Variants in GPR132 observed in about 807,000 individuals in gnomAD.
GPR132 encodes probable G protein-coupled receptor 132.
A neutral mutation model predicts 1.9 loss-of-function variants in GPR132; 4 were observed. The observed-to-expected ratio is 2.13, with a 90% CI of 1.05 to 4.87. GPR132 has a LOEUF of 4.87. Ranked by LOEUF, GPR132 falls within the 30% of genes most tolerant of loss-of-function variation. The probability of loss-of-function intolerance (pLI) is 0.01; values close to 1 mark genes in which losing one functional copy is unlikely to be tolerated. For missense variants in GPR132, 404 were observed against 512.5 expected (o/e 0.79, Z 2.04); for synonymous variants, 233 against 234.2 (o/e 0.99, Z 0.05).
chr14:105,062,839 T>A (rs1273214147), intron 1 of GPR132, among the ~76,000 whole-genome samples: 1 of 151,654 alleles, frequency 6.6e-6, no homozygotes, highest in Non-Finnish European at 1.5e-5. Flanking sequence ...TACGCCCAGC[T>A]TTTTTTTCTT....
Position 105,051,582 on chromosome 14 carries a change from G to T in GPR132, c.555C>A (p.Thr185=). The part of the protein sequence containing the change: ...YPVFQTEDKE[T]CFDMLQMDSR... ...TGTCCATCTGCAGCATGTCAAAGCA[G>T]GTCTCCTTGTCTTCCGTCTGGAACA... Residue 185 remains threonine (T), a synonymous_variant, in exon 4 of 4, where the codon ACC becomes ACA. Transcript: ENST00000329797. The surrounding 1 kb of genome is among the most constrained non-coding windows in gnomAD (Gnocchi z 8.0). 6.2e-7 allele frequency: 1 copy of T among 1,614,022 alleles called. No homozygotes were observed. Among genetic ancestry groups the T allele is most frequent in the Non-Finnish European group, 8.5e-7 (1 of 1,180,040 alleles).
At position 105,051,213 on chromosome 14, in the gene GPR132, G is replaced by A. The variant is rs140799328; in HGVS notation, c.924C>T (p.Tyr308=). The change falls in exon 4 of 4, where the codon TAC becomes TAT. Residue 308 remains tyrosine (Y), a synonymous_variant. Coordinates refer to ENST00000329797, the MANE Select transcript of GPR132 (RefSeq NM_013345.4). The surrounding 1 kb of genome is among the most constrained non-coding windows in gnomAD (Gnocchi z 8.0). ...TVNGVADPII[Y]VLATDHSRQE... is the part of the protein sequence containing the mutation. ...GGCGGGAATGGTCCGTGGCCAGCAC[G>A]TAGATAATGGGGTCAGCCACGCCGT... 1.2e-4 allele frequency: 193 copies of A among 1,613,938 alleles called. No homozygotes were observed. In the African/African-American group the frequency reaches 1.7e-3, roughly 15 times the overall value.
chr14:105,060,415 C>T lies in GPR132; in HGVS notation c.-860-3135G>A, dbSNP rs572082940. ...GACCAGTCCTGTTCCTTCTGAGCCC[C>T]GGGGGTGTGGGGGGCCCGACCAGCC... On this transcript the variant is annotated intron_variant, in intron 1 of 3. Coordinates refer to ENST00000329797, the MANE Select transcript of GPR132 (RefSeq NM_013345.4). The surrounding 1 kb of genome is among the most constrained non-coding windows in gnomAD (Gnocchi z 6.3). 5.9e-5 allele frequency among the ~76,000 whole-genome samples: 9 copies of T among 152,234 alleles called. No homozygotes were observed. The highest frequency in any genetic ancestry group is 4.2e-4 in the South Asian group (2 of 4,814).
Position 105,051,296 on chromosome 14 carries a change from C to T in GPR132, c.841G>A (p.Gly281Ser), listed in dbSNP as rs1284803646. ...GCTGTGTACAGCCTTTCCTCCAAGC[C>T]GCACATGGCGTTCCTGTCTCCTCTG... ...YYRGDRNAMC[G>S]LEERLYTASV... is the part of the protein sequence containing the mutation. Residue 281 changes from glycine to serine, a missense_variant, in exon 4 of 4, where the codon GGC becomes AGC. By Grantham distance (56) the Gly-to-Ser change is moderately conservative. Transcript: ENST00000329797. The surrounding 1 kb of genome is among the most constrained non-coding windows in gnomAD (Gnocchi z 8.0). 7.4e-6 allele frequency: 12 copies of T among 1,613,874 alleles called. No individual in the cohort carries two copies. The highest frequency in any genetic ancestry group is 6.7e-5 in the East Asian group (3 of 44,884).
At chr14:105,054,932 T>C (rs1886748449) in intron 3 of GPR132, among the ~76,000 whole-genome samples, 1 of 144,940 alleles carries the variant, frequency 6.9e-6, no homozygotes, top group African/African-American at 2.6e-5. Flanking sequence ...CCCAGCTACT[T>C]GGGAGGCTGA....
rs1049470899 is a variant in GPR132, at chr14:105,059,318, G to A, written c.-860-2038C>T. Among the ~76,000 whole-genome samples the A allele has an allele frequency of 2.6e-5, 4 of 152,164 alleles. No individual in the cohort carries two copies. The highest frequency in any genetic ancestry group is 2.6e-4 in the Admixed American group (4 of 15,276). ...TGCTCAAAAGTGAGGCAGAACCCAG[G>A]GACACCCACACCAAGGGCTCTGGGC... On this transcript the variant is annotated intron_variant, in intron 1 of 3. Coordinates refer to ENST00000329797, the MANE Select transcript of GPR132 (RefSeq NM_013345.4). This position sits in a 1 kb window ranked among gnomAD's most constrained non-coding sequence, Gnocchi z 4.2.
intron 1 of GPR132, among the ~76,000 whole-genome samples, chr14:105,064,492 C>T (rs1012861326): frequency 5.9e-5 from 9 of 152,090 alleles, no homozygotes; most frequent in East Asian, 1.9e-4. Flanking sequence ...TGCCAACACG[C>T]CCGGCTAATT....
rs567228484 is a variant in GPR132 at position 105,050,790 on chromosome 14, C to T, written c.*204G>A. On this transcript the variant is annotated 3_prime_UTR_variant, in exon 4 of 4. Transcript: ENST00000329797. The surrounding 1 kb of genome is among the most constrained non-coding windows in gnomAD (Gnocchi z 4.0). ...TGGGCTCCCGGAAGCCTGGAGGTGT[C>T]GCTCCTCCCCTTGGCATGCAGCCAC... 35 of 588,834 alleles carry T rather than the reference C, an allele frequency of 5.9e-5. No individual in the cohort carries two copies. The East Asian group carries it at 7.6e-4, about 13-fold the overall frequency. The allele number at this position is 588,834 out of a possible 1,614,324, so 36.5% of individuals were successfully genotyped here.
rs1003708599 is a variant in GPR132, at chr14:105,049,471, G to A, written c.*1523C>T. The A allele has an allele frequency of 9.9e-5, 15 of 151,202 alleles. No individual in the cohort carries two copies. The highest frequency in any genetic ancestry group is 2.4e-4 in the African/African-American group (10 of 41,120). 9.4% of individuals were successfully genotyped at this position (151,202 alleles called of 1,614,324 possible). A position where few individuals can be genotyped will look rare whatever the true frequency, so the allele number is the denominator to read the frequency against. On this transcript the variant is annotated 3_prime_UTR_variant, in exon 4 of 4. Transcript: ENST00000329797. ...AGAGACAAGATTTTGCCATGTTGCCGAGGCTGGTCTCAAACTCCTGACCTC... is the reference window on the plus strand; with the variant it reads ...AGAGACAAGATTTTGCCATGTTGCCAAGGCTGGTCTCAAACTCCTGACCTC...
intron 1 of GPR132, among the ~76,000 whole-genome samples, chr14:105,062,244 C>A (rs907687002): frequency 2.0e-5 from 3 of 152,216 alleles, no homozygotes; most frequent in Non-Finnish European, 4.4e-5. Context: ...CCTGCCTCCA[C>A]CTCACATCAG....
intron 1 of GPR132, chr14:105,058,041 G>T (rs1037637221): frequency 6.6e-6 from 1 of 152,128 alleles, no homozygotes; most frequent in Non-Finnish European, 1.5e-5. Context: ...GGAGAGAAAA[G>T]AAAGTTGATG....
Position 105,055,386 on chromosome 14 carries a change from C to T in GPR132, c.34+1G>A. ...CAAAATACACATAACAAGGAATTTA[C>T]CATTGTAACCGTTTTTCAGTAGCAT... On this transcript the variant is annotated splice_donor_variant, in intron 3 of 3. Coordinates refer to ENST00000329797, the MANE Select transcript of GPR132 (RefSeq NM_013345.4). LOFTEE classifies it high-confidence loss of function. The surrounding 1 kb of genome is among the most constrained non-coding windows in gnomAD (Gnocchi z 4.7). The T allele has an allele frequency of 1.3e-6, 1 of 780,986 alleles. No homozygotes were observed. The highest frequency in any genetic ancestry group is 2.4e-6 in the Non-Finnish European group (1 of 418,094). 48.4% of individuals were successfully genotyped at this position (780,986 alleles called of 1,614,324 possible). A position where few individuals can be genotyped will look rare whatever the true frequency, so the allele number is the denominator to read the frequency against.
rs1432830416 is a variant in GPR132 at position 105,060,417 on chromosome 14, G to A, written c.-860-3137C>T. ...CCAGTCCTGTTCCTTCTGAGCCCCG[G>A]GGGTGTGGGGGGCCCGACCAGCCTC... On this transcript the variant is annotated intron_variant, in intron 1 of 3. Coordinates refer to ENST00000329797, the MANE Select transcript of GPR132 (RefSeq NM_013345.4). The surrounding 1 kb of genome is among the most constrained non-coding windows in gnomAD (Gnocchi z 6.3). 6.6e-6 allele frequency among the ~76,000 whole-genome samples: 1 copy of A among 152,182 alleles called. No individual in the cohort carries two copies. The highest frequency in any genetic ancestry group is 2.4e-5 in the African/African-American group (1 of 41,452).
intron 3 of GPR132, 133 bp from the exon 4 acceptor site, chr14:105,052,235 A>C: frequency 1.5e-6 from 1 of 662,360 alleles, no homozygotes; most frequent in Non-Finnish European, 2.4e-6. Context: ...AACATTTCCA[A>C]ATTGATTTTT....
intron 3 of GPR132, chr14:105,054,531 A>G (rs547716642): frequency 9.1e-6 from 4 of 440,414 alleles, no homozygotes; most frequent in South Asian, 9.5e-5. Context: ...CCCAAGTTCA[A>G]GTGATTCTCC....
At chr14:105,064,367 A>G (rs1012891592) in intron 1 of GPR132, among the ~76,000 whole-genome samples, 2 of 149,850 alleles carry the variant, frequency 1.3e-5, no homozygotes, top group African/African-American at 4.9e-5. Context: ...CCAATTTGAT[A>G]GTGTTGCCCA....
intron 1 of GPR132, 42 bp from the exon 2 acceptor site, chr14:105,057,322 T>C (rs1886821642): frequency 1.5e-6 from 1 of 658,342 alleles, no homozygotes; most frequent in Non-Finnish European, 2.7e-6. Flanking sequence ...GGAAATCAGA[T>C]TGAGTCACAA....
At position 105,057,234 on chromosome 14, in the gene GPR132, G is replaced by A. The variant is rs183241823; in HGVS notation, c.-814C>T. ...TAAGCTTTCTAAGTACATGTCATGC[G>A]TCTTGTCGGTCCTATCAAGACGTTC... is the stretch of plus-strand genomic sequence containing the variant. On this transcript the variant is annotated 5_prime_UTR_variant, in exon 2 of 4. It adds an upstream start codon to the 5' untranslated region. Transcript: ENST00000329797. 1,861 of 1,226,864 alleles carry A rather than the reference G, an allele frequency of 1.5e-3. 27 individuals are homozygous for A. Among genetic ancestry groups the A allele is most frequent in the Admixed American group, 2.4e-4 (12 of 50,358 alleles). 76.0% of individuals were successfully genotyped at this position (1,226,864 alleles called of 1,614,324 possible).
rs768217669 is a variant in GPR132 at position 105,059,148 on chromosome 14, G to A, written c.-860-1868C>T. Among the ~76,000 whole-genome samples, 4 of 152,194 alleles carry A rather than the reference G, an allele frequency of 2.6e-5. No homozygotes were observed. The highest frequency in any genetic ancestry group is 4.4e-5 in the Non-Finnish European group (3 of 68,024). ...CACACTCCCCTCCCAGGGCAGGGCC[G>A]GCCCGGCTGCGGGCAGAGCCCCTAC... On this transcript the variant is annotated intron_variant, in intron 1 of 3. Transcript: ENST00000329797. This position sits in a 1 kb window ranked among gnomAD's most constrained non-coding sequence, Gnocchi z 4.2.
Sources: allele counts gnomAD v4.1 joint callset (sites outside exome capture counted in the v4.1 genomes callset), GRCh38; gene constraint gnomAD v4.1.1; non-coding constraint Gnocchi (gnomAD v3.1); transcripts MANE v1.5; gene names NCBI Gene and HGNC (gene_info 2026-07-23, HGNC 2026-07-21).